The following CARS2 variants were observed in gnomAD, a reference collection of about 807,000 sequenced individuals.
CARS2 encodes the protein cysteinyl-tRNA synthetase 2, mitochondrial, also known as probable cysteine--tRNA ligase, mitochondrial.
Under a neutral mutation model 68.8 loss-of-function variants are expected in CARS2, and 52 were observed. The ratio of observed to expected loss-of-function variants is 0.76; its 90% CI spans 0.61 to 0.95. The LOEUF is 0.95. Ranked by LOEUF, CARS2 falls within the 40% of genes least tolerant of loss-of-function variation. The pLI, the probability that CARS2 is intolerant of heterozygous loss-of-function variation, is 0.00. For missense variants in CARS2, 780 were observed against 754.2 expected, an observed-to-expected ratio of 1.03 and a Z score of -0.40; for synonymous variants, 314 against 303.6, an observed-to-expected ratio of 1.03 and a Z score of -0.36.
At chr13:110,696,341 G>A (rs751914926) in intron 3 of CARS2, among the ~76,000 whole-genome samples, 4 of 152,140 alleles carry the variant, frequency 2.6e-5, no homozygotes, top group Admixed American at 6.5e-5. Context: ...TTGAGGAATC[G>A]CAACACTGTC....
At chr13:110,642,577 C>CT (rs1261370866) in intron 13 of CARS2, 56 bp from the exon 14 acceptor site, 7 of 1,539,768 alleles carry the variant, frequency 4.5e-6, no homozygotes, top group Non-Finnish European at 6.3e-6. Context: ...GTGGATGCCC[C>CT]CTCCCCACCC....
chr13:110,651,442 C>T (rs967885418), intron 9 of CARS2, among the ~76,000 whole-genome samples: 2 of 152,190 alleles, frequency 1.3e-5, no homozygotes, highest in African/African-American at 4.8e-5. Flanking sequence ...CAGCATGGAG[C>T]GATGCTGTGC....
chr13:110,663,176 G>T (rs756231771), intron 9 of CARS2: 16 of 569,630 alleles, frequency 2.8e-5, no homozygotes, highest in Middle Eastern at 3.5e-4. Context: ...AAAGGAAAAG[G>T]CAAGGAAGAG....
At position 110,712,975 on chromosome 13, in the gene CARS2, T is replaced by C. The variant is rs190068917; in HGVS notation, n.399+162A>G. Reference sequence around the variant, plus strand: ...TGGGAGTGGTGGTCCGGCCGCGGAATGGGTAGGTCTCCCGCGCACTCTGCG... The same window carrying C: ...TGGGAGTGGTGGTCCGGCCGCGGAACGGGTAGGTCTCCCGCGCACTCTGCG... On this transcript the variant is annotated intron_variant and non_coding_transcript_variant, in intron 1 of 2. Transcript: ENST00000485188. 367 of 1,558,006 alleles carry C rather than the reference T, an allele frequency of 2.4e-4. 1 individual carries two copies. Among genetic ancestry groups the C allele is most frequent in the African/African-American group, 1.1e-3 (79 of 73,064 alleles).
In CARS2 at chr13:110,677,071, C is replaced by T. The variant is rs772065497; in HGVS notation, c.688G>A (p.Ala230Thr). The T allele has an allele frequency of 9.3e-6, 15 of 1,610,190 alleles. No individual in the cohort carries two copies. Among genetic ancestry groups the T allele is most frequent in the South Asian group, 3.3e-5 (3 of 90,820 alleles). Residue 230 changes from alanine to threonine, a missense_variant, in exon 7 of 15, where the codon GCC (alanine) becomes ACC (threonine). By Grantham distance (58) the Ala-to-Thr change is moderately conservative. Transcript: ENST00000257347. ...DSDKRHASDFALWKAAKPQEV... is the reference protein window; with the variant it reads ...DSDKRHASDFTLWKAAKPQEV... Reference sequence around the variant, plus strand: ...TGGGGTTTGGCCGCCTTCCACAGGGCGAAGTCACTGGCATGACGCTTGTCA... The same window carrying T: ...TGGGGTTTGGCCGCCTTCCACAGGGTGAAGTCACTGGCATGACGCTTGTCA...
At chr13:110,703,083 C>A (rs1156466249) in intron 2 of CARS2, among the ~76,000 whole-genome samples, 5 of 152,122 alleles carry the variant, frequency 3.3e-5, no homozygotes, top group African/African-American at 1.2e-4. Context: ...CCCTGCTCCT[C>A]CCCCCTAGCA....
Position 110,687,810 on chromosome 13 carries a change from A to G in CARS2, c.482T>C (p.Val161Ala). Residue 161 changes from valine to alanine, a missense_variant, in exon 5 of 15, where the codon GTG becomes GCG. Physicochemically the swap from Val to Ala is moderately conservative, Grantham distance 64. Coordinates refer to ENST00000257347, the MANE Select transcript of CARS2 (RefSeq NM_024537.4). ...MAALKVLPPT[V>A]YLRVTENIPQ... ...AATATTTTCGGTTACCCTCAGGTAC[A>G]CCGTGGGTGGGAGAACCTGCAAGGA... 1 of 1,609,830 alleles carries G rather than the reference A, an allele frequency of 6.2e-7. No homozygotes were observed. Among genetic ancestry groups the G allele is most frequent in the Non-Finnish European group, 8.5e-7 (1 of 1,176,602 alleles).
intron 2 of CARS2, among the ~76,000 whole-genome samples, chr13:110,704,753 T>G (rs1449426732): frequency 6.6e-6 from 1 of 151,970 alleles, no homozygotes; most frequent in Non-Finnish European, 1.5e-5. Flanking sequence ...AAAAAAAAAG[T>G]ATACAGAGTA....
At chr13:110,703,118 C>T (rs2063838626) in intron 2 of CARS2, among the ~76,000 whole-genome samples, 1 of 152,178 alleles carries the variant, frequency 6.6e-6, no homozygotes, top group Non-Finnish European at 1.5e-5. Context: ...TTGTTTTCCC[C>T]AAACAGGGTT....
intron 3 of CARS2, among the ~76,000 whole-genome samples, chr13:110,690,138 G>A (rs980472741): frequency 6.6e-6 from 1 of 152,196 alleles, no homozygotes; most frequent in African/African-American, 2.4e-5. Flanking sequence ...TGAGGCAGGA[G>A]AATCGCTTGA....
chr13:110,687,917 A>G (rs2063349719), intron 4 of CARS2, 30 bp downstream of exon 4: 7 of 1,590,106 alleles, frequency 4.4e-6, no homozygotes, highest in Non-Finnish European at 4.3e-6. Context: ...TGTCACCCTC[A>G]TGGCAGGAAC....
chr13:110,712,953 G>C, intron 1 of CARS2: 1 of 1,560,106 alleles, frequency 6.4e-7, no homozygotes, highest in East Asian at 2.4e-5. Flanking sequence ...AGGCTGCTGG[G>C]AGTGGTGGTC....
In CARS2 at chr13:110,653,679, G is replaced by A. The variant is rs756271544; in HGVS notation, c.988-2579C>T. The stretch of plus-strand genomic sequence containing the variant: ...AAAGGCTTATCTTCCCTGCTCTTGC[G>A]GGGGCGGGCGCTACTGCAGCGAGCT... On this transcript the variant is annotated intron_variant, in intron 9 of 14. Coordinates refer to ENST00000257347, the MANE Select transcript of CARS2 (RefSeq NM_024537.4). This position sits in a 1 kb window ranked among gnomAD's most constrained non-coding sequence, Gnocchi z 5.6. Among the ~76,000 whole-genome samples, 2 of 152,194 alleles carry A rather than the reference G, an allele frequency of 1.3e-5. No individual in the cohort carries two copies. The highest frequency in any genetic ancestry group is 6.5e-5 in the Admixed American group (1 of 15,282).
At chr13:110,707,815 GACAA>G (rs1454877715), upstream of CARS2, among the ~76,000 whole-genome samples, 4 of 152,188 alleles carry the variant, frequency 2.6e-5, no homozygotes, top group South Asian at 2.1e-4. Flanking sequence ...TTTAAGTAGA[GACAA>G]ACAAGTGTGT....
intron 5 of CARS2, among the ~76,000 whole-genome samples, chr13:110,685,486 T>C (rs1271357965): frequency 6.6e-6 from 1 of 152,210 alleles, no homozygotes; most frequent in East Asian, 1.9e-4. Context: ...GCTTCATGCT[T>C]TCTGACTCAT....
At chr13:110,651,000 G>A (rs185015428) in intron 10 of CARS2, 34 bp downstream of exon 10, 204 of 1,515,916 alleles carry the variant, frequency 1.3e-4, no homozygotes, top group Non-Finnish European at 1.7e-4. Flanking sequence ...CTCCGAGCTG[G>A]GGGGGGAGTC....
At chr13:110,675,824 GCAGAGGGT>G (rs1253481246) in intron 7 of CARS2, among the ~76,000 whole-genome samples, 3 of 152,336 alleles carry the variant, frequency 2.0e-5, no homozygotes, top group Middle Eastern at 3.4e-3. Flanking sequence ...CCTGCTGCCT[GCAGAGGGT>G]CAGGCCACAC....
At chr13:110,712,227 C>T (rs1594446962) in intron 1 of CARS2, 1 of 153,330 alleles carries the variant, frequency 6.5e-6, no homozygotes, top group Non-Finnish European at 1.5e-5. Context: ...GGCAGCACCA[C>T]CAACCCGGCT....
intron 9 of CARS2, among the ~76,000 whole-genome samples, chr13:110,656,622 C>T (rs570851352): frequency 2.6e-5 from 4 of 152,200 alleles, no homozygotes; most frequent in Admixed American, 6.5e-5. Flanking sequence ...TGGTGGCTCA[C>T]GCCTGTAAGC....
Sources: allele counts gnomAD v4.1 joint callset (sites outside exome capture counted in the v4.1 genomes callset), GRCh38; gene constraint gnomAD v4.1.1; non-coding constraint Gnocchi (gnomAD v3.1); transcripts MANE v1.5; gene names NCBI Gene and HGNC (gene_info 2026-07-23, HGNC 2026-07-21).